The following SLCO4C1 variants were observed in gnomAD, a reference collection of about 807,000 sequenced individuals.
The protein encoded by SLCO4C1 is solute carrier organic anion transporter family member 4C1.
In SLCO4C1, 58 loss-of-function variants were observed where a neutral mutation model predicts 72.1. That is an observed-to-expected ratio of 0.80 (90% confidence interval 0.65 to 1.00). The LOEUF (loss-of-function observed/expected upper bound fraction) is 1.00. SLCO4C1 is among the 50% of genes least tolerant of loss of function. The pLI, the probability that SLCO4C1 is intolerant of heterozygous loss-of-function variation, is 0.00. For missense variants in SLCO4C1, 898 were observed against 857.9 expected, an observed-to-expected ratio of 1.05 and a Z score of -0.58; for synonymous variants, 297 against 312.5, an observed-to-expected ratio of 0.95 and a Z score of 0.52.
chr5:102,272,125 G>A (rs1457967924), intron 2 of SLCO4C1, among the ~76,000 whole-genome samples: 1 of 152,150 alleles, frequency 6.6e-6, no homozygotes, highest in Non-Finnish European at 1.5e-5. Flanking sequence ...GCAGGGCTGT[G>A]AAGTGCTAAG....
rs544176119 is a variant in SLCO4C1 at position 102,291,559 on chromosome 5, T to A, written c.403A>T (p.Lys135Ter). 18 of 1,613,852 alleles carry A rather than the reference T, an allele frequency of 1.1e-5. No homozygotes were observed. The highest frequency in any genetic ancestry group is 1.5e-5 in the Non-Finnish European group (18 of 1,179,956). Residue 135 changes from lysine to a stop codon, truncating the protein, a stop_gained, in exon 2 of 13, where the codon AAG becomes TAG. Transcript: ENST00000310954. LOFTEE classifies it high-confidence loss of function. Reference protein sequence around the residue: ...LVNISISTVEKRYEMKSSLTG... With the variant: ...LVNISISTVE ...AGGGAACTCTTCATTTCATAACGCT[T>A]CTCAACAGTGGAAATGCTAATATTT... is the stretch of plus-strand genomic sequence containing the variant.
Position 102,260,229 on chromosome 5 carries a change from A to G in SLCO4C1, c.1112T>C (p.Phe371Ser). 1 of 1,380,356 alleles carries G rather than the reference A, an allele frequency of 7.2e-7. No homozygotes were observed. The highest frequency in any genetic ancestry group is 9.5e-7 in the Non-Finnish European group (1 of 1,053,086). 85.5% of individuals were successfully genotyped at this position (1,380,356 alleles called of 1,614,324 possible). Residue 371 changes from phenylalanine (F) to serine (S), a missense_variant, in exon 6 of 13, where the codon TTT (phenylalanine) becomes TCT (serine). Transcript: ENST00000310954. ...TTATTTTACCTTTAGAGCAGCTGGA[A>G]AATCTTTAATACTTTTTCCAAATTT... is the stretch of plus-strand genomic sequence containing the variant. Reference protein sequence around the residue: ...DVKFGKSIKDFPAALKNLMKN... With the variant: ...DVKFGKSIKDSPAALKNLMKN...
intron 1 of SLCO4C1, among the ~76,000 whole-genome samples, chr5:102,294,608 G>A (rs1014435637): frequency 1.3e-5 from 2 of 152,154 alleles, no homozygotes; most frequent in African/African-American, 4.8e-5. Context: ...ACACTGAGAT[G>A]CTTCACAATT....
intron 8 of SLCO4C1, among the ~76,000 whole-genome samples, chr5:102,256,036 C>T (rs940217712): frequency 2.6e-5 from 4 of 151,950 alleles, no homozygotes; most frequent in East Asian, 3.9e-4. Context: ...CGAAACCCCA[C>T]GTCTACTAAA....
intron 1 of SLCO4C1, among the ~76,000 whole-genome samples, chr5:102,292,903 A>T (rs1749582167): frequency 6.6e-6 from 1 of 151,920 alleles, no homozygotes; most frequent in African/African-American, 2.4e-5. Context: ...TTTAAACATT[A>T]CTATAAGTTG....
intron 3 of SLCO4C1, 37 bp downstream of exon 3, chr5:102,270,587 T>A: frequency 6.6e-7 from 1 of 1,512,530 alleles, no homozygotes; most frequent in Non-Finnish European, 8.9e-7. Flanking sequence ...AATAATAAGA[T>A]AAAGTGATAC....
chr5:102,276,349 T>TCTCCCA lies in SLCO4C1; in HGVS notation c.620-5549_620-5544dup, dbSNP rs1379185250. On this transcript the variant is annotated intron_variant, in intron 2 of 12. Coordinates refer to ENST00000310954, the MANE Select transcript of SLCO4C1 (RefSeq NM_180991.5). ...CATGAGATAACATGCATTCAGTTAT[T>TCTCCCA]CTCCCACCTGAAAGCAACACTGAAG... Among the ~76,000 whole-genome samples, 12 of 152,274 alleles carry TCTCCCA rather than the reference T, an allele frequency of 7.9e-5. No homozygotes were observed. In the South Asian group the frequency reaches 2.5e-3, roughly 32 times the overall value.
chr5:102,260,362 CATATA>C (rs1554057863), intron 5 of SLCO4C1, 43 bp from the exon 6 acceptor site: 14 of 218,228 alleles, frequency 6.4e-5, no homozygotes, highest in East Asian at 3.1e-4. Flanking sequence ...ATATATTATA[CATATA>C]ATATATTATA....
At chr5:102,277,258 T>C (rs6882636) in intron 2 of SLCO4C1, among the ~76,000 whole-genome samples, 1 of 151,540 alleles carries the variant, frequency 6.6e-6, no homozygotes, top group Non-Finnish European at 1.5e-5. Context: ...CTGCAATATA[T>C]GGTGTAACAA....
At chr5:102,267,081 A>G (rs1343324516) in intron 3 of SLCO4C1, among the ~76,000 whole-genome samples, 1 of 152,106 alleles carries the variant, frequency 6.6e-6, no homozygotes, top group African/African-American at 2.4e-5. Context: ...ATTGGCTTGT[A>G]GCTCCTCTTT....
At chr5:102,249,831 CTT>C (rs772694785) in intron 8 of SLCO4C1, 43 bp from the exon 9 acceptor site, 1 of 1,589,452 alleles carries the variant, frequency 6.3e-7, no homozygotes, top group South Asian at 1.1e-5. Flanking sequence ...TCTGTCATAA[CTT>C]TTAACTAACA....
At chr5:102,242,913 T>C (rs1748572068) in intron 10 of SLCO4C1, among the ~76,000 whole-genome samples, 1 of 152,106 alleles carries the variant, frequency 6.6e-6, no homozygotes, top group Admixed American at 6.5e-5. Context: ...GAGTCCCCAA[T>C]TCCAGAACTT....
chr5:102,272,918 C>G (rs1296606741), intron 2 of SLCO4C1, among the ~76,000 whole-genome samples: 1 of 151,604 alleles, frequency 6.6e-6, no homozygotes, highest in Non-Finnish European at 1.5e-5. Context: ...GCACTCCAGC[C>G]TGGGCAGAAA....
intron 1 of SLCO4C1, among the ~76,000 whole-genome samples, chr5:102,291,899 G>GCCACCT (rs1749563734): frequency 6.6e-6 from 1 of 151,714 alleles, no homozygotes; most frequent in Non-Finnish European, 1.5e-5. Context: ...TCGGCTCACC[G>GCCACCT]CCACCTCCAC....
chr5:102,274,585 T>C (rs1375173037), intron 2 of SLCO4C1, among the ~76,000 whole-genome samples: 1 of 152,132 alleles, frequency 6.6e-6, no homozygotes, highest in Non-Finnish European at 1.5e-5. Context: ...TGGACTCTGC[T>C]GTGATGTGAT....
chr5:102,253,841 A>G lies in SLCO4C1; in HGVS notation c.1469+3274T>C, dbSNP rs924202534. On this transcript the variant is annotated intron_variant, in intron 8 of 12. Transcript: ENST00000310954. ...AAGAAAAGAAAAACTATTCAGTACT[A>G]TGCTTGGTACCTGGGTAACAGAATC... is the stretch of plus-strand genomic sequence containing the variant. 3.9e-5 allele frequency among the ~76,000 whole-genome samples: 6 copies of G among 151,978 alleles called. No homozygotes were observed. The South Asian group carries it at 1.2e-3, about 32-fold the overall frequency.
At chr5:102,261,407 G>A (rs1045913148) in intron 5 of SLCO4C1, among the ~76,000 whole-genome samples, 14 of 150,896 alleles carry the variant, frequency 9.3e-5, no homozygotes, top group Non-Finnish European at 2.1e-4. Flanking sequence ...GGGAGACTCT[G>A]TCTCAAAAAA....
chr5:102,238,702 G>A (rs10062716), intron 12 of SLCO4C1, among the ~76,000 whole-genome samples: 1 of 151,880 alleles, frequency 6.6e-6, no homozygotes. Flanking sequence ...GTGTAAACTA[G>A]ATACATTGTT....
intron 8 of SLCO4C1, among the ~76,000 whole-genome samples, chr5:102,253,731 G>A (rs1748782928): frequency 6.6e-6 from 1 of 151,756 alleles, no homozygotes; most frequent in African/African-American, 2.4e-5. Context: ...CTTGAACCCA[G>A]GAGGCAGAGG....
Sources: allele counts gnomAD v4.1 joint callset (sites outside exome capture counted in the v4.1 genomes callset), GRCh38; gene constraint gnomAD v4.1.1; transcripts MANE v1.5; gene names NCBI Gene and HGNC (gene_info 2026-07-23, HGNC 2026-07-21).